Variants in ZFYVE26 observed in about 807,000 individuals in gnomAD.
ZFYVE26 encodes zinc finger FYVE-type containing 26.
ZFYVE26 carries 181 observed loss-of-function variants against 276.5 expected under a neutral mutation model. The ratio of observed to expected loss-of-function variants is 0.65; its 90% CI spans 0.58 to 0.74. The LOEUF is 0.74. ZFYVE26 is among the 30% of genes least tolerant of loss of function. ZFYVE26 has a pLI of 0.00. For synonymous variants in ZFYVE26, 1,129 were observed against 1,203.1 expected (o/e 0.94, Z 1.27); for missense variants, 2,821 against 3,097.9 (o/e 0.91, Z 2.12).
intron 12 of ZFYVE26, 94 bp from the exon 13 acceptor site, chr14:67,794,333 TAG>T (rs746439994): frequency 8.4e-7 from 1 of 1,186,866 alleles, no homozygotes; most frequent in East Asian, 2.3e-5. Flanking sequence ...TCTGTGTAGT[TAG>T]AGACAGAGGA....
chr14:67,744,621 T>C (rs1474606760), downstream of ZFYVE26, among the ~76,000 whole-genome samples: 1 of 152,192 alleles, frequency 6.6e-6, no homozygotes, highest in Non-Finnish European at 1.5e-5. Flanking sequence ...TCTCCATGTG[T>C]TATCATTGTT....
At chr14:67,732,616 G>A (rs1001090137) in intron 13 of ZFYVE26, among the ~76,000 whole-genome samples, 3 of 150,880 alleles carry the variant, frequency 2.0e-5, no homozygotes, top group Admixed American at 6.6e-5. Context: ...CGGTCTTGTC[G>A]CCCAGGCTGG....
rs999180603 is a variant in ZFYVE26, at chr14:67,746,970, G to A, written c.*1466C>T. On this transcript the variant is annotated 3_prime_UTR_variant, in exon 42 of 42. Coordinates refer to ENST00000347230, the MANE Select transcript of ZFYVE26 (RefSeq NM_015346.4). ...AACTTCTCATCTGACAGATGTCCATGAGTTGTTTATTTTACTACTAAAAAT... is the reference window on the plus strand; with the variant it reads ...AACTTCTCATCTGACAGATGTCCATAAGTTGTTTATTTTACTACTAAAAAT... The A allele has an allele frequency of 1.3e-5, 2 of 152,586 alleles. No homozygotes were observed. Among genetic ancestry groups the A allele is most frequent in the African/African-American group, 2.4e-5 (1 of 41,440 alleles). The allele number at this position is 152,586 out of a possible 1,614,324, so 9.5% of individuals were successfully genotyped here.
At chr14:67,736,718 T>C (rs569841055) in intron 13 of ZFYVE26, among the ~76,000 whole-genome samples, 1 of 152,348 alleles carries the variant, frequency 6.6e-6, no homozygotes, top group East Asian at 1.9e-4. Flanking sequence ...TTATGTATTC[T>C]AGAAAACGGA....
intron 10 of ZFYVE26, among the ~76,000 whole-genome samples, chr14:67,801,255 A>G (rs533419278): frequency 2.0e-5 from 3 of 146,676 alleles, no homozygotes; most frequent in Non-Finnish European, 4.5e-5. Flanking sequence ...TGTCTCAAAG[A>G]AAAAAAAAAA....
Position 67,751,271 on chromosome 14 carries a change from C to A in ZFYVE26, c.7372-175G>T, listed in dbSNP as rs115469675. ...TGTTGCCCATGCTGGAGTGTAGTGG[C>A]TTTTCACAGGCATGATCCCACTATT... On this transcript the variant is annotated intron_variant, in intron 40 of 41. Coordinates refer to ENST00000347230, the MANE Select transcript of ZFYVE26 (RefSeq NM_015346.4). 1.1e-3 allele frequency: 754 copies of A among 703,094 alleles called. 5 individuals carry two copies. The African/African-American group carries it at 0.012, about 11-fold the overall frequency. 43.6% of individuals were successfully genotyped at this position (703,094 alleles called of 1,614,324 possible).
intron 12 of ZFYVE26, among the ~76,000 whole-genome samples, chr14:67,795,705 T>C (rs1215305235): frequency 6.6e-6 from 1 of 152,190 alleles, no homozygotes; most frequent in African/African-American, 2.4e-5. Flanking sequence ...TACTCCTGCA[T>C]AATGCGCCTA....
intron 4 of ZFYVE26, 135 bp downstream of exon 4, chr14:67,809,065 G>C: frequency 1.3e-6 from 1 of 790,426 alleles, no homozygotes; most frequent in South Asian, 1.4e-5. Context: ...TCTCCTCAAA[G>C]GAGCTTCTGT....
chr14:67,757,140 C>A (rs992633748), intron 35 of ZFYVE26, among the ~76,000 whole-genome samples: 6 of 152,222 alleles, frequency 3.9e-5, no homozygotes, highest in Admixed American at 3.3e-4. Flanking sequence ...GGATCCCTGC[C>A]ATCATCGTTT....
At chr14:67,740,994 T>G (rs1393661183) in intron 13 of ZFYVE26, among the ~76,000 whole-genome samples, 1 of 152,164 alleles carries the variant, frequency 6.6e-6, no homozygotes, top group Non-Finnish European at 1.5e-5. Context: ...CATTGGAATA[T>G]GAAGAAGGAC....
At chr14:67,740,042 C>T (rs903420609) in intron 13 of ZFYVE26, among the ~76,000 whole-genome samples, 1 of 152,176 alleles carries the variant, frequency 6.6e-6, no homozygotes, top group African/African-American at 2.4e-5. Context: ...TCCATTATTT[C>T]CCAGGACCTC....
chr14:67,785,725 C>G, intron 18 of ZFYVE26, 133 bp downstream of exon 18: 1 of 1,213,814 alleles, frequency 8.2e-7, no homozygotes, highest in South Asian at 1.2e-5. Flanking sequence ...TTGAGACATG[C>G]CCTGGCTAAC....
intron 3 of ZFYVE26, among the ~76,000 whole-genome samples, chr14:67,809,528 T>C (rs1213876065): frequency 6.6e-6 from 1 of 150,996 alleles, no homozygotes; most frequent in African/African-American, 2.4e-5. Context: ...CTTCAAGCGA[T>C]TCTCAGGCCT....
At position 67,805,603 on chromosome 14, in the gene ZFYVE26, A is replaced by C. The variant is rs1257218822; in HGVS notation, c.1033T>G (p.Leu345Val). Residue 345 changes from leucine (L) to valine (V), a missense_variant, in exon 7 of 42, where the codon TTG (leucine) becomes GTG (valine). By Grantham distance (32) the Leu-to-Val change is conservative (BLOSUM62 1). Coordinates refer to ENST00000347230, the MANE Select transcript of ZFYVE26 (RefSeq NM_015346.4). ...TTTGGGAAGTCTTCTTCTTTCAACA[A>C]TGTTAGTGCTGTTACCTGTAAGTCA... ...LEQILVTALT[L>V]LKEEDFPNLG... The C allele has an allele frequency of 6.2e-7, 1 of 1,613,934 alleles. No individual in the cohort carries two copies. Among genetic ancestry groups the C allele is most frequent in the Admixed American group, 1.7e-5 (1 of 60,000 alleles).
Position 67,815,782 on chromosome 14 carries a change from G to A in ZFYVE26, c.182C>T (p.Pro61Leu). 1.2e-6 allele frequency: 2 copies of A among 1,613,150 alleles called. No individual in the cohort carries two copies. Among genetic ancestry groups the A allele is most frequent in the East Asian group, 4.5e-5 (2 of 44,878 alleles). Residue 61 changes from proline (P) to leucine (L), a missense_variant, in exon 2 of 42, where the codon CCA becomes CTA. Coordinates refer to ENST00000347230, the MANE Select transcript of ZFYVE26 (RefSeq NM_015346.4). ...EDILQALVVC[P>L]NLLRCGQDIN... ...AGAGATCCCTTACCTCAGCAGATTT[G>A]GACACACCACCAATGCCTGAAGTAT...
Position 67,748,358 on chromosome 14 carries a change from G to T in ZFYVE26, c.*78C>A. On this transcript the variant is annotated 3_prime_UTR_variant, in exon 42 of 42. Transcript: ENST00000347230. ...GCCAGAGAAGTCCCACTCCACTGGAGGAAAGAGGTGGAGGGCATCGCCATC... is the reference window on the plus strand; with the variant it reads ...GCCAGAGAAGTCCCACTCCACTGGATGAAAGAGGTGGAGGGCATCGCCATC... The T allele has an allele frequency of 2.0e-6, 3 of 1,492,386 alleles. No homozygotes were observed. The highest frequency in any genetic ancestry group is 1.2e-5 in the South Asian group (1 of 84,710). 92.4% of individuals were successfully genotyped at this position (1,492,386 alleles called of 1,614,324 possible). A position where few individuals can be genotyped will look rare whatever the true frequency, so the allele number is the denominator to read the frequency against.
intron 36 of ZFYVE26, among the ~76,000 whole-genome samples, chr14:67,755,530 T>C (rs755467037): frequency 6.6e-6 from 1 of 152,228 alleles, no homozygotes; most frequent in Non-Finnish European, 1.5e-5. Flanking sequence ...TCACTTGTAC[T>C]TTGGCATTAA....
chr14:67,798,505 G>A lies in ZFYVE26; in HGVS notation c.1757C>T (p.Ser586Phe), dbSNP rs1444118363. ...GTGAGGCTCTGGGTGAAGATCAGCA[G>A]AGGTGATGAGAAGCAATGAGAAGAT... Reference protein sequence around the residue: ...ENIFSLLLITSADLHPEPHLP... With the variant: ...ENIFSLLLITFADLHPEPHLP... The change falls in exon 11 of 42, where the codon TCT (serine) becomes TTT (phenylalanine). Residue 586 changes from serine to phenylalanine, a missense_variant. Transcript: ENST00000347230. The A allele has an allele frequency of 1.2e-6, 2 of 1,614,056 alleles. No homozygotes were observed. Among genetic ancestry groups the A allele is most frequent in the Admixed American group, 1.7e-5 (1 of 60,002 alleles).
chr14:67,770,348 C>T (rs2039175792), intron 28 of ZFYVE26: 1 of 160,976 alleles, frequency 6.2e-6, no homozygotes, highest in African/African-American at 2.4e-5. Context: ...CCTGTACTCC[C>T]AGCTACTTGG....
Sources: allele counts gnomAD v4.1 joint callset (sites outside exome capture counted in the v4.1 genomes callset), GRCh38; gene constraint gnomAD v4.1.1; transcripts MANE v1.5; gene names NCBI Gene and HGNC (gene_info 2026-07-23, HGNC 2026-07-21).